ABI3BP: variants seen among roughly 807,000 people sequenced by gnomAD.
ABI3BP encodes the protein target of Nesh-SH3.
Under a neutral mutation model 268.6 loss-of-function variants are expected in ABI3BP, and 216 were observed. The observed-to-expected ratio is 0.80, with a 90% CI of 0.72 to 0.90. The LOEUF is 0.90. Ranked by LOEUF, ABI3BP falls within the 40% of genes least tolerant of loss-of-function variation. ABI3BP has a pLI of 0.00. For synonymous variants in ABI3BP, 730 were observed against 730.0 expected, an observed-to-expected ratio of 1.00 and a Z score of 0.00; for missense variants, 2,090 against 2,182.4, an observed-to-expected ratio of 0.96 and a Z score of 0.84.
At chr3:100,825,720 G>T in intron 35 of ABI3BP, 65 bp downstream of exon 35, 1 of 1,267,868 alleles carries the variant, frequency 7.9e-7, no homozygotes. Context: ...GATGAAGACT[G>T]AATGGACTGT....
At chr3:100,917,744 G>A (rs962643101) in intron 2 of ABI3BP, among the ~76,000 whole-genome samples, 4 of 152,086 alleles carry the variant, frequency 2.6e-5, no homozygotes, top group Admixed American at 2.0e-4. Context: ...GTGAATTTTT[G>A]TATTGTACTT....
In ABI3BP at chr3:100,951,906, A is replaced by C. The variant is rs190413851; in HGVS notation, c.80-25425T>G. On this transcript the variant is annotated intron_variant, in intron 1 of 67. Transcript: ENST00000471714. ...TAGAAGACATTCTTAAGGACAAACCATATGTAGGTTATGGTTTCATTTAAA... is the reference window on the plus strand; with the variant it reads ...TAGAAGACATTCTTAAGGACAAACCCTATGTAGGTTATGGTTTCATTTAAA... 2.5e-3 allele frequency among the ~76,000 whole-genome samples: 380 copies of C among 152,042 alleles called. 6 individuals carry two copies. The highest frequency in any genetic ancestry group is 4.1e-3 in the Non-Finnish European group (280 of 68,016).
At chr3:100,913,919 T>A (rs2057679617) in intron 2 of ABI3BP, among the ~76,000 whole-genome samples, 1 of 152,204 alleles carries the variant, frequency 6.6e-6, no homozygotes, top group Non-Finnish European at 1.5e-5. Flanking sequence ...GGAAACATAG[T>A]AATTGCTCAA....
chr3:100,908,409 G>A (rs1276492291), intron 2 of ABI3BP, among the ~76,000 whole-genome samples: 1 of 152,066 alleles, frequency 6.6e-6, no homozygotes, highest in Non-Finnish European at 1.5e-5. Context: ...GCCAAATAAT[G>A]AGTGAACTCC....
At chr3:100,792,838 A>G (rs901136187) in intron 54 of ABI3BP, 70 bp from the exon 55 acceptor site, 4 of 1,308,882 alleles carry the variant, frequency 3.1e-6, no homozygotes, top group African/African-American at 1.5e-5. Context: ...AAAAACCCAT[A>G]CTCTTTTCTG....
At chr3:100,833,962 AC>A (rs2098535410) in intron 29 of ABI3BP, among the ~76,000 whole-genome samples, 1 of 152,086 alleles carries the variant, frequency 6.6e-6, no homozygotes, top group South Asian at 2.1e-4. Flanking sequence ...CAATAAATCT[AC>A]AGGCTCTACA....
At position 100,804,876 on chromosome 3, in the gene ABI3BP, A is replaced by T; in HGVS notation, c.3683-10T>A. ...TGGGGCACCTTAGGAACTGAAAGAG[A>T]GAACTCATATTGTAAGTCATTTGGT... On this transcript the variant is annotated splice_polypyrimidine_tract_variant and intron_variant, in intron 50 of 67. Transcript: ENST00000471714. 6.2e-7 allele frequency: 1 copy of T among 1,611,394 alleles called. No individual in the cohort carries two copies. Among genetic ancestry groups the T allele is most frequent in the South Asian group, 1.1e-5 (1 of 91,044 alleles).
chr3:100,837,754 C>CTAAA (rs1017696977), intron 26 of ABI3BP, among the ~76,000 whole-genome samples: 12 of 152,116 alleles, frequency 7.9e-5, no homozygotes, highest in South Asian at 2.1e-4. Flanking sequence ...GACTCCATCT[C>CTAAA]TAAATAAATA....
At chr3:100,972,460 C>T (rs1378842829) in intron 1 of ABI3BP, among the ~76,000 whole-genome samples, 1 of 152,212 alleles carries the variant, frequency 6.6e-6, no homozygotes, top group East Asian at 1.9e-4. Context: ...CCCTTTCCCA[C>T]TGTAAAGAAA....
chr3:100,768,158 G>C (rs1285720968), intron 62 of ABI3BP, among the ~76,000 whole-genome samples: 1 of 136,088 alleles, frequency 7.3e-6, no homozygotes, highest in Non-Finnish European at 1.5e-5. Flanking sequence ...ACGCCATCTC[G>C]GCTCACTGCA....
chr3:100,867,781 T>A (rs2099069201), intron 9 of ABI3BP, among the ~76,000 whole-genome samples: 1 of 151,010 alleles, frequency 6.6e-6, no homozygotes, highest in South Asian at 2.1e-4. Flanking sequence ...TGGCAAAAAA[T>A]TTAACAGTAA....
rs1342923614 is a variant in ABI3BP at position 100,868,513 on chromosome 3, G to A, written c.911-1557C>T. Among the ~76,000 whole-genome samples, 9 of 152,266 alleles carry A rather than the reference G, an allele frequency of 5.9e-5. No individual in the cohort carries two copies. The East Asian group carries it at 1.5e-3, about 26-fold the overall frequency. ...AAAGACCATCTTCTTTTCTGTTAAT[G>A]TGGGTTCAAAAATATTTACTTAATT... On this transcript the variant is annotated intron_variant, in intron 9 of 67. Transcript: ENST00000471714.
At chr3:100,768,664 A>G (rs2096422919) in intron 62 of ABI3BP, among the ~76,000 whole-genome samples, 2 of 152,264 alleles carry the variant, frequency 1.3e-5, no homozygotes, top group Non-Finnish European at 2.9e-5. Context: ...CAAATATCTT[A>G]TTTTTCTCCT....
Position 100,898,867 on chromosome 3 carries a change from T to G in ABI3BP, c.356A>C (p.Gln119Pro). The change falls in exon 4 of 68, where the codon CAG becomes CCG. Residue 119 changes from glutamine (Q) to proline (P), a missense_variant. Coordinates refer to ENST00000471714, the MANE Select transcript of ABI3BP (RefSeq NM_001375547.2). ...CGGTGTCAGAGTGCCAACCACCAGC[T>G]GCAGAGGTTTGCGAGAACGAGTTTT... The part of the protein sequence containing the change: ...SGKTRSRKPL[Q>P]LVVGTLTPSS... 6.2e-7 allele frequency: 1 copy of G among 1,611,994 alleles called. No homozygotes were observed. Among genetic ancestry groups the G allele is most frequent in the Middle Eastern group, 1.7e-4 (1 of 6,058 alleles).
intron 6 of ABI3BP, among the ~76,000 whole-genome samples, chr3:100,883,445 T>C (rs1339126910): frequency 1.3e-5 from 2 of 152,130 alleles, no homozygotes; most frequent in Non-Finnish European, 2.9e-5. Flanking sequence ...TTAGACTATA[T>C]AGTTCTAAAA....
In ABI3BP at chr3:100,866,868, G is replaced by C. The variant is rs192401988; in HGVS notation, c.988+11C>G. ...CTTTTCTCAAGGTCAACAACATAGCGATCTCATTACCTGTTGTGGGTCGTG... is the reference window on the plus strand; with the variant it reads ...CTTTTCTCAAGGTCAACAACATAGCCATCTCATTACCTGTTGTGGGTCGTG... On this transcript the variant is annotated intron_variant, in intron 10 of 67. Coordinates refer to ENST00000471714, the MANE Select transcript of ABI3BP (RefSeq NM_001375547.2). 1 of 1,609,966 alleles carries C rather than the reference G, an allele frequency of 6.2e-7. No individual in the cohort carries two copies. Among genetic ancestry groups the C allele is most frequent in the Non-Finnish European group, 8.5e-7 (1 of 1,177,200 alleles).
At chr3:100,758,006 G>A (rs956218510) in intron 63 of ABI3BP, among the ~76,000 whole-genome samples, 1 of 152,082 alleles carries the variant, frequency 6.6e-6, no homozygotes, top group African/African-American at 2.4e-5. Flanking sequence ...ATGCTGTCAA[G>A]CCTTTTGGCC....
chr3:100,796,419 C>T lies in ABI3BP; in HGVS notation c.3807G>A (p.Gln1269=), dbSNP rs1236162570. ...AAATAATTAATTTACCAGGTTCGCT[C>T]TGAGAGACCTCAGGGTATGGTTTAT... is the stretch of plus-strand genomic sequence containing the variant. ...LPHKPYPEVS[Q]SEPVLQPVTF... is the part of the protein sequence containing the mutation. The change falls in exon 52 of 68, where the codon CAG becomes CAA. Residue 1269 remains glutamine (Q), a synonymous_variant. Coordinates refer to ENST00000471714, the MANE Select transcript of ABI3BP (RefSeq NM_001375547.2). 1.3e-6 allele frequency: 2 copies of T among 1,594,786 alleles called. No individual in the cohort carries two copies. Among genetic ancestry groups the T allele is most frequent in the Admixed American group, 1.7e-5 (1 of 57,580 alleles).
Position 100,749,686 on chromosome 3 carries a change from C to T in ABI3BP, c.*809G>A, listed in dbSNP as rs1284791488. 2.5e-6 allele frequency: 1 copy of T among 398,416 alleles called. No homozygotes were observed. The highest frequency in any genetic ancestry group is 2.1e-5 in the African/African-American group (1 of 48,606). 24.7% of individuals were successfully genotyped at this position (398,416 alleles called of 1,614,324 possible). Reference sequence around the variant, plus strand: ...ATTATCTTTTTGTGCTCAGACTTGACTTCACATTCAGTCTCTACATACAGC... The same window carrying T: ...ATTATCTTTTTGTGCTCAGACTTGATTTCACATTCAGTCTCTACATACAGC... On this transcript the variant is annotated 3_prime_UTR_variant, in exon 68 of 68. Coordinates refer to ENST00000471714, the MANE Select transcript of ABI3BP (RefSeq NM_001375547.2).
Sources: allele counts gnomAD v4.1 joint callset (sites outside exome capture counted in the v4.1 genomes callset), GRCh38; gene constraint gnomAD v4.1.1; transcripts MANE v1.5; gene names NCBI Gene and HGNC (gene_info 2026-07-23, HGNC 2026-07-21).